HMCN2: variants seen among roughly 807,000 people sequenced by gnomAD.
HMCN2 encodes the protein hemicentin 2.
A neutral mutation model predicts 377.5 loss-of-function variants in HMCN2; 325 were observed. The ratio of observed to expected loss-of-function variants is 0.86; its 90% CI spans 0.79 to 0.94. The LOEUF is 0.94. HMCN2 is among the 40% of genes least tolerant of loss of function. The pLI is 0.00. For missense variants in HMCN2, 4,543 were observed against 4,725.3 expected (o/e 0.96, Z 1.13); for synonymous variants, 2,007 against 2,046.8 (o/e 0.98, Z 0.53).
At chr9:130,335,170 A>G (rs1242620659) in intron 22 of HMCN2, among the ~76,000 whole-genome samples, 1 of 151,826 alleles carries the variant, frequency 6.6e-6, no homozygotes, top group Non-Finnish European at 1.5e-5. Context: ...TCTAGCCCAG[A>G]CCTCTTCCTA....
At chr9:130,273,927 A>C (rs1834538634) in intron 1 of HMCN2, among the ~76,000 whole-genome samples, 1 of 152,284 alleles carries the variant, frequency 6.6e-6, no homozygotes, top group South Asian at 2.1e-4. Context: ...TCAAAAAACA[A>C]GAAAAAGCAA....
chr9:130,428,259 T>G lies in HMCN2; in HGVS notation c.14066-99T>G, dbSNP rs1275759079. On this transcript the variant is annotated intron_variant, in intron 92 of 97. Coordinates refer to ENST00000683500, the MANE Select transcript of HMCN2 (RefSeq NM_001291815.2). The surrounding 1 kb of genome is among the most constrained non-coding windows in gnomAD (Gnocchi z 5.0). ...CCTTCCTGCCAGTGGCTCCTGGGCC[T>G]GCGGACGAAGCCTCTGTGGATAGGC... 1 of 1,373,606 alleles carries G rather than the reference T, an allele frequency of 7.3e-7. No homozygotes were observed. Among genetic ancestry groups the G allele is most frequent in the Non-Finnish European group, 9.6e-7 (1 of 1,041,428 alleles). 85.1% of individuals were successfully genotyped at this position (1,373,606 alleles called of 1,614,324 possible). A position where few individuals can be genotyped will look rare whatever the true frequency, so the allele number is the denominator to read the frequency against.
At chr9:130,353,298 C>A in intron 31 of HMCN2, 93 bp downstream of exon 31, 1 of 1,151,072 alleles carries the variant, frequency 8.7e-7, no homozygotes, top group Non-Finnish European at 1.1e-6. Flanking sequence ...GGCTAGGTGG[C>A]CACTTGGAGT....
chr9:130,336,544 C>T lies in HMCN2; in HGVS notation c.3360-1350C>T, dbSNP rs1027707053. ...AAGGGTGAGGTGACTTGCCCAACCT[C>T]ACACAGCTAGCGCATGGCCTAGCAG... On this transcript the variant is annotated intron_variant, in intron 22 of 97. Transcript: ENST00000683500. Among the ~76,000 whole-genome samples, 298 of 152,262 alleles carry T rather than the reference C, an allele frequency of 2.0e-3. 5 individuals are homozygous for T. In the East Asian group the frequency reaches 0.039, roughly 20 times the overall value.
chr9:130,280,219 G>A (rs1835036902), intron 1 of HMCN2, among the ~76,000 whole-genome samples: 1 of 149,036 alleles, frequency 6.7e-6, no homozygotes, highest in African/African-American at 2.5e-5. Flanking sequence ...TGGGTGCAGT[G>A]GTGCGCGATC....
At position 130,396,885 on chromosome 9, in the gene HMCN2, G is replaced by A. The variant is rs77943273; in HGVS notation, c.11198+572G>A. The stretch of plus-strand genomic sequence containing the variant: ...GCTCTCAGGAAGAGCAGGGTGCTGC[G>A]CCTTCTGCGTCTCAGGAGAGGTCAA... On this transcript the variant is annotated intron_variant, in intron 73 of 97. Coordinates refer to ENST00000683500, the MANE Select transcript of HMCN2 (RefSeq NM_001291815.2). 6.1e-3 allele frequency among the ~76,000 whole-genome samples: 924 copies of A among 152,288 alleles called. 7 individuals carry two copies. Among genetic ancestry groups the A allele is most frequent in the African/African-American group, 0.021 (859 of 41,572 alleles).
Position 130,393,522 on chromosome 9 carries a change from G to T in HMCN2, c.10234+213G>T, listed in dbSNP as rs1402372348. 6.6e-6 allele frequency among the ~76,000 whole-genome samples: 1 copy of T among 152,222 alleles called. No individual in the cohort carries two copies. The highest frequency in any genetic ancestry group is 2.4e-5 in the African/African-American group (1 of 41,466). On this transcript the variant is annotated intron_variant, in intron 67 of 97. Coordinates refer to ENST00000683500, the MANE Select transcript of HMCN2 (RefSeq NM_001291815.2). This position sits in a 1 kb window ranked among gnomAD's most constrained non-coding sequence, Gnocchi z 5.2. ...TCTGGTATGCCCAGGATAGGCGGGG[G>T]CAGAGAGGCAGGAAGCAGCTCAGTA...
At chr9:130,412,633 G>A (rs1195944584) in intron 85 of HMCN2, among the ~76,000 whole-genome samples, 3 of 147,834 alleles carry the variant, frequency 2.0e-5, no homozygotes, top group Non-Finnish European at 4.4e-5. Flanking sequence ...CTGGAGTGCA[G>A]TGGCAAGATC....
intron 22 of HMCN2, among the ~76,000 whole-genome samples, chr9:130,334,179 G>C (rs1279441646): frequency 1.3e-5 from 2 of 152,232 alleles, no homozygotes; most frequent in Non-Finnish European, 2.9e-5. Flanking sequence ...GGTGAGATGG[G>C]CCTGGCCCCC....
At chr9:130,417,753 A>T (rs1367654527) in intron 85 of HMCN2, among the ~76,000 whole-genome samples, 1 of 152,176 alleles carries the variant, frequency 6.6e-6, no homozygotes, top group Non-Finnish European at 1.5e-5. Context: ...AGTGAGGCTA[A>T]TGTGGGCCTC....
rs1838565043 is a variant in HMCN2, at chr9:130,333,820, C to CT, written c.3360-4070dup. On this transcript the variant is annotated intron_variant, in intron 22 of 97. Coordinates refer to ENST00000683500, the MANE Select transcript of HMCN2 (RefSeq NM_001291815.2). ...CCCAGGCCCATAGCTGCAGCTTCAC[C>CT]TTTTCCCTGAGTCTCCGCAGAGCAT... Among the ~76,000 whole-genome samples the CT allele has an allele frequency of 2.0e-5, 3 of 152,240 alleles. No individual in the cohort carries two copies. The South Asian group carries it at 6.2e-4, about 31-fold the overall frequency.
chr9:130,349,764 A>T, intron 29 of HMCN2, 101 bp downstream of exon 29: 1 of 1,155,660 alleles, frequency 8.7e-7, no homozygotes, highest in Non-Finnish European at 1.1e-6. Flanking sequence ...GGGAGCTGAC[A>T]GGCATGGCAT....
intron 1 of HMCN2, among the ~76,000 whole-genome samples, chr9:130,271,339 G>A (rs1834395856): frequency 6.7e-6 from 1 of 148,878 alleles, no homozygotes; most frequent in South Asian, 2.2e-4. Flanking sequence ...CTTGGTGGGG[G>A]AGTATCTATC....
chr9:130,395,974 G>C lies in HMCN2; in HGVS notation c.10962G>C (p.Gln3654His). 1 of 1,287,610 alleles carries C rather than the reference G, an allele frequency of 7.8e-7. No individual in the cohort carries two copies. Among genetic ancestry groups the C allele is most frequent in the Non-Finnish European group, 1.0e-6 (1 of 988,744 alleles). 79.8% of individuals were successfully genotyped at this position (1,287,610 alleles called of 1,614,324 possible). A position where few individuals can be genotyped will look rare whatever the true frequency, so the allele number is the denominator to read the frequency against. ...FPERGRFLQL[Q>H]ALSTADSGDY... is the part of the protein sequence containing the mutation. ...AGCGGGGCAGGTTCCTCCAGCTGCA[G>C]GCCCTGAGCACGGCTGACAGCGGCG... Residue 3654 changes from glutamine (Q) to histidine (H), a missense_variant, in exon 72 of 98, where the codon CAG (glutamine) becomes CAC (histidine). This residue lies in a region of HMCN2 where 1,073 missense variants were observed against 1,319.5 expected (regional missense o/e 0.81). Coordinates refer to ENST00000683500, the MANE Select transcript of HMCN2 (RefSeq NM_001291815.2).
At chr9:130,381,428 T>C (rs1254537749) in intron 54 of HMCN2, among the ~76,000 whole-genome samples, 1 of 152,066 alleles carries the variant, frequency 6.6e-6, no homozygotes, top group African/African-American at 2.4e-5. Context: ...TACAGTGCAG[T>C]GGCAGTCTTG....
At chr9:130,356,342 G>A (rs2065937218) in intron 34 of HMCN2, 85 bp downstream of exon 34, 2 of 1,185,512 alleles carry the variant, frequency 1.7e-6, no homozygotes, top group African/African-American at 1.6e-5. Context: ...AGGCCTGGAA[G>A]GGCACGGGGC....
At chr9:130,430,083 G>A in intron 94 of HMCN2, 1 of 615,804 alleles carries the variant, frequency 1.6e-6, no homozygotes, top group South Asian at 2.0e-5. Flanking sequence ...GGGAGGCTGG[G>A]CCTCTGGGAG....
intron 34 of HMCN2, among the ~76,000 whole-genome samples, chr9:130,357,495 T>C (rs1840106144): frequency 7.1e-6 from 1 of 140,086 alleles, no homozygotes; most frequent in Admixed American, 7.1e-5. Flanking sequence ...GGTGGATGGC[T>C]AGCTGGATGG....
chr9:130,327,978 T>C (rs1440904499), intron 22 of HMCN2, among the ~76,000 whole-genome samples: 2 of 152,146 alleles, frequency 1.3e-5, no homozygotes, highest in African/African-American at 4.8e-5. Flanking sequence ...TTGGGTGTCC[T>C]TCAAAGCCAC....
Sources: gnomAD v4.1 joint callset for allele counts (sites outside exome capture counted in the v4.1 genomes callset) on GRCh38, gnomAD v4.1.1 for gene constraint, gnomAD v4.1.1 regional missense constraint, Gnocchi (gnomAD v3.1) non-coding constraint, MANE v1.5 for transcripts, NCBI Gene and HGNC (gene_info 2026-07-23, HGNC 2026-07-21) for gene names.